ABLIM1: variants seen among roughly 807,000 people sequenced by gnomAD.
The protein encoded by ABLIM1 is actin-binding LIM protein 1.
ABLIM1 carries 40 observed loss-of-function variants against 107.0 expected under a neutral mutation model. The ratio of observed to expected loss-of-function variants is 0.37; its 90% CI spans 0.29 to 0.49. The LOEUF (loss-of-function observed/expected upper bound fraction) is 0.49. Ranked by LOEUF, ABLIM1 falls within the 20% of genes least tolerant of loss-of-function variation. ABLIM1 has a pLI of 0.97. For synonymous variants in ABLIM1, 357 were observed against 357.3 expected, an observed-to-expected ratio of 1.00 and a Z score of 0.01; for missense variants, 857 against 1,008.5, an observed-to-expected ratio of 0.85 and a Z score of 2.04.
intron 1 of ABLIM1, among the ~76,000 whole-genome samples, chr10:114,652,984 T>C (rs1420121056): frequency 6.6e-6 from 1 of 152,200 alleles, no homozygotes; most frequent in Non-Finnish European, 1.5e-5. Context: ...TTAGCAATAT[T>C]ATTTACAAAC....
chr10:114,612,896 C>A (rs904687005), intron 1 of ABLIM1, among the ~76,000 whole-genome samples: 2 of 152,150 alleles, frequency 1.3e-5, no homozygotes, highest in Non-Finnish European at 2.9e-5. Flanking sequence ...AGCACGGTAC[C>A]ACCATTACCT....
At chr10:114,603,650 AAGAAG>A (rs1371199630) in intron 1 of ABLIM1, among the ~76,000 whole-genome samples, 1 of 149,928 alleles carries the variant, frequency 6.7e-6, no homozygotes, top group Non-Finnish European at 1.5e-5. Context: ...AAAAAAAAAA[AAGAAG>A]AAGAAAAGTT....
intron 17 of ABLIM1, among the ~76,000 whole-genome samples, chr10:114,441,991 G>A (rs1316771319): frequency 6.6e-6 from 1 of 152,188 alleles, no homozygotes; most frequent in Non-Finnish European, 1.5e-5. Flanking sequence ...GGAAAGTCAA[G>A]TCCACGCGGT....
At chr10:114,779,863 G>A in the ABLIM1 span, 16 of 151,228 alleles carry the variant, frequency 1.1e-4, no homozygotes, top group African/African-American at 3.4e-4. Flanking sequence ...GCAACTATAC[G>A]TCTAGGAAAG....
At chr10:114,496,292 A>G (rs895327630) in intron 6 of ABLIM1, among the ~76,000 whole-genome samples, 2 of 152,256 alleles carry the variant, frequency 1.3e-5, no homozygotes, top group African/African-American at 4.8e-5. Flanking sequence ...ACACTGCTAC[A>G]TATACACCAT....
At chr10:114,667,576 T>C (rs528250688) in intron 1 of ABLIM1, among the ~76,000 whole-genome samples, 111 of 152,232 alleles carry the variant, frequency 7.3e-4, no homozygotes, top group Non-Finnish European at 1.6e-3. Context: ...AGTATACAAT[T>C]TGATGAGTTT....
rs151100385 is a variant in ABLIM1 at position 114,542,558 on chromosome 10, G to A, written c.894+2447C>T. On this transcript the variant is annotated intron_variant, in intron 6 of 22. Transcript: ENST00000533213. ...AGGAGGAGGGAGAAGGGAGGAGGAGGGAAGAGAAGGGAGGAGGACGAGGAG... is the reference window on the plus strand; with the variant it reads ...AGGAGGAGGGAGAAGGGAGGAGGAGAGAAGAGAAGGGAGGAGGACGAGGAG... Among the ~76,000 whole-genome samples the A allele has an allele frequency of 1.9e-4, 29 of 151,264 alleles. 1 individual carries two copies. The highest frequency in any genetic ancestry group is 3.4e-3 in the Middle Eastern group (1 of 294).
rs2081053678 is a variant in ABLIM1, at chr10:114,690,560, G to T, written c.-213+77501C>A. ...GGTTTTCTGCTGTCTTTGGAAACTT[G>T]TCTGCAAACAGCTCAAAGGAGATGC... On this transcript the variant is annotated intron_variant, in intron 1 of 15. Coordinates refer to the ABLIM1 transcript ENST00000651092. 3 of 1,118,760 alleles carry T rather than the reference G, an allele frequency of 2.7e-6. No individual in the cohort carries two copies. The South Asian group carries it at 3.7e-5, about 14-fold the overall frequency. The allele number at this position is 1,118,760 out of a possible 1,614,324, so 69.3% of individuals were successfully genotyped here. A position where few individuals can be genotyped will look rare whatever the true frequency, so the allele number is the denominator to read the frequency against.
In ABLIM1 at chr10:114,508,809, A is replaced by C. The variant is rs969280844; in HGVS notation, c.895-16931T>G. 3.9e-5 allele frequency among the ~76,000 whole-genome samples: 6 copies of C among 152,370 alleles called. No homozygotes were observed. In the East Asian group the frequency reaches 1.2e-3, roughly 29 times the overall value. On this transcript the variant is annotated intron_variant, in intron 6 of 22. Coordinates refer to ENST00000533213, the MANE Select transcript of ABLIM1 (RefSeq NM_002313.7). ...TTATATAGGAAAATACTGCATTGAC[A>C]GAGTGGTCACCACACAGTGATTAAA...
chr10:114,667,116 T>C (rs2141331702), intron 1 of ABLIM1, among the ~76,000 whole-genome samples: 1 of 152,326 alleles, frequency 6.6e-6, no homozygotes, highest in African/African-American at 2.4e-5. Context: ...TTAGTTATTA[T>C]AAAAGCTGTG....
At chr10:114,569,662 C>T (rs191182886) in intron 4 of ABLIM1, among the ~76,000 whole-genome samples, 2 of 152,252 alleles carry the variant, frequency 1.3e-5, no homozygotes. Flanking sequence ...CAAAGCAAGC[C>T]CTCCCAAATA....
the ABLIM1 span, among the ~76,000 whole-genome samples, chr10:114,790,546 A>C: frequency 9.2e-3 from 1,395 of 152,334 alleles, 17 homozygotes; most frequent in African/African-American, 0.023. Context: ...CGTCTTGCTC[A>C]AAAATTACTA....
chr10:114,543,823 C>A (rs772420116), intron 6 of ABLIM1, among the ~76,000 whole-genome samples: 2 of 152,190 alleles, frequency 1.3e-5, no homozygotes, highest in Non-Finnish European at 2.9e-5. Context: ...CACCTCTGAG[C>A]CTCTGCAGGT....
chr10:114,524,480 G>A (rs906831818), intron 6 of ABLIM1, among the ~76,000 whole-genome samples: 10 of 151,004 alleles, frequency 6.6e-5, no homozygotes, highest in African/African-American at 1.9e-4. Flanking sequence ...TACAGATGGC[G>A]AAAAGAAAAA....
chr10:114,498,427 T>C (rs2059972965), intron 6 of ABLIM1, among the ~76,000 whole-genome samples: 1 of 152,208 alleles, frequency 6.6e-6, no homozygotes, highest in African/African-American at 2.4e-5. Context: ...TGAGCCCATG[T>C]AATATGCTCC....
intron 12 of ABLIM1, 146 bp downstream of exon 12, chr10:114,465,552 T>C (rs2064971215): frequency 1.1e-6 from 1 of 892,980 alleles, no homozygotes; most frequent in Non-Finnish European, 1.6e-6. Flanking sequence ...GCATAAAATA[T>C]AGTTGGATAC....
At chr10:114,584,145 G>T (rs1475533170) in intron 2 of ABLIM1, among the ~76,000 whole-genome samples, 1 of 149,404 alleles carries the variant, frequency 6.7e-6, no homozygotes, top group African/African-American at 2.6e-5. Flanking sequence ...AAAAAGAAAA[G>T]AAAAGAAAAG....
upstream of ABLIM1, among the ~76,000 whole-genome samples, chr10:114,771,451 G>T (rs528323077): frequency 6.6e-6 from 1 of 152,260 alleles, no homozygotes; most frequent in Non-Finnish European, 1.5e-5. Flanking sequence ...TATGTATTTA[G>T]CTTTAGTCTT....
chr10:114,769,220 CG>C (rs1211777981), upstream of ABLIM1, among the ~76,000 whole-genome samples: 1 of 143,538 alleles, frequency 7.0e-6, no homozygotes, highest in African/African-American at 2.6e-5. Context: ...CCTTGGTGAC[CG>C]GTGCTTGTAA....
Sources: allele counts gnomAD v4.1 joint callset (sites outside exome capture counted in the v4.1 genomes callset), GRCh38; gene constraint gnomAD v4.1.1; transcripts MANE v1.5; gene names NCBI Gene and HGNC (gene_info 2026-07-23, HGNC 2026-07-21).